The following TAF8 variants were observed in gnomAD, a reference collection of about 807,000 sequenced individuals.
TAF8 encodes the protein TATA-box binding protein associated factor 8.
In TAF8, 47 loss-of-function variants were observed where a neutral mutation model predicts 36.5. The ratio of observed to expected loss-of-function variants is 1.29; its 90% CI spans 1.02 to 1.64. The LOEUF is 1.64. Among genes scored for constraint, TAF8 ranks in the 40% most tolerant of loss-of-function variants. The probability of loss-of-function intolerance (pLI) is 0.00; values close to 1 mark genes in which losing one functional copy is unlikely to be tolerated. For missense variants in TAF8, 420 were observed against 407.6 expected (o/e 1.03, Z -0.26); for synonymous variants, 175 against 159.5 (o/e 1.10, Z -0.73).
rs1765886440 is a variant in TAF8, at chr6:42,080,389, T to C, written c.*2844T>C. 2 of 962,204 alleles carry C rather than the reference T, an allele frequency of 2.1e-6. No homozygotes were observed. The highest frequency in any genetic ancestry group is 4.6e-5 in the South Asian group (1 of 21,812). 59.6% of individuals were successfully genotyped at this position (962,204 alleles called of 1,614,324 possible). A position where few individuals can be genotyped will look rare whatever the true frequency, so the allele number is the denominator to read the frequency against. ...TTTTCTTTTCTTTTTTTTTTTTTTT[T>C]GAGACGGCATCTCACTCTTATCGCC... On this transcript the variant is annotated 3_prime_UTR_variant, in exon 9 of 9. Transcript: ENST00000372977.
chr6:42,064,463 C>T, intron 5 of TAF8, among the ~76,000 whole-genome samples: 1 of 152,064 alleles, frequency 6.6e-6, no homozygotes. Flanking sequence ...CCATGTTGAC[C>T]AGGCTAGTCT....
intron 5 of TAF8, chr6:42,063,463 T>G (rs1248638112): frequency 6.6e-6 from 1 of 152,200 alleles, no homozygotes; most frequent in Non-Finnish European, 1.5e-5. Context: ...AATATTATAA[T>G]GTAACATTGT....
chr6:42,068,735 A>G, intron 7 of TAF8, 128 bp downstream of exon 7: 1 of 1,115,332 alleles, frequency 9.0e-7, no homozygotes, highest in East Asian at 2.4e-5. Flanking sequence ...GGGCCTGCAT[A>G]AGGGCTTGCG....
At chr6:42,056,229 C>A (rs1054238944) in intron 4 of TAF8, 5 of 485,974 alleles carry the variant, frequency 1.0e-5, no homozygotes, top group Non-Finnish European at 1.5e-5. Flanking sequence ...TGAGATATTG[C>A]TGTGTTTCTT....
At position 42,056,014 on chromosome 6, in the gene TAF8, C is replaced by T. The variant is rs779832016; in HGVS notation, c.364C>T (p.Pro122Ser). 1.7e-5 allele frequency: 27 copies of T among 1,603,950 alleles called. No homozygotes were observed. The highest frequency in any genetic ancestry group is 1.6e-4 in the Middle Eastern group (1 of 6,070). ...GTCTCAGAGGATGGTCATCACTGCT[C>T]GTAAGTGACTTTGAACTGAGGTACT... is the stretch of plus-strand genomic sequence containing the variant. ...KRSQRMVITA[P>S]PVTNQPVTPK... is the part of the protein sequence containing the mutation. Residue 122 changes from proline to serine, a missense_variant and splice_region_variant, in exon 4 of 9, where the codon CCT (proline) becomes TCT (serine). Coordinates refer to ENST00000372977, the MANE Select transcript of TAF8 (RefSeq NM_138572.3).
rs1765448430 is a variant in TAF8 at position 42,068,601 on chromosome 6, CA to C, written c.775del (p.Ser259AlafsTer40). ...TDTENLALHI[S>X]MEDSGAEKEN... ...ACACAGAGAACCTTGCTCTTCATAT[CA>C]GCATGGTGGGTTCCACCTTCTGCCT... On this transcript the variant is annotated frameshift_variant, in exon 7 of 9. Transcript: ENST00000372977. LOFTEE classifies it high-confidence loss of function. The C allele has an allele frequency of 6.2e-7, 1 of 1,612,890 alleles. No homozygotes were observed. The highest frequency in any genetic ancestry group is 1.3e-5 in the African/African-American group (1 of 74,930).
rs191317189 is a variant in TAF8 at position 42,072,648 on chromosome 6, C to T, written c.780+4041C>T. 1.6e-4 allele frequency among the ~76,000 whole-genome samples: 25 copies of T among 152,266 alleles called. No homozygotes were observed. In the East Asian group the frequency reaches 4.6e-3, roughly 28 times the overall value. ...TGTAACCATTTAATTTATCTAGTCC[C>T]CCATGAACACTTAGGTTGTTTTCTG... is the stretch of plus-strand genomic sequence containing the variant. On this transcript the variant is annotated intron_variant, in intron 7 of 8. Coordinates refer to ENST00000372977, the MANE Select transcript of TAF8 (RefSeq NM_138572.3).
intron 8 of TAF8, 50 bp from the exon 9 acceptor site, chr6:42,077,483 G>C (rs1236056486): frequency 6.2e-7 from 1 of 1,607,352 alleles, no homozygotes; most frequent in South Asian, 1.1e-5. Context: ...CCTAGAAGGA[G>C]AGCAGACAGG....
At chr6:42,075,936 G>A (rs546978867) in intron 7 of TAF8, among the ~76,000 whole-genome samples, 9 of 152,202 alleles carry the variant, frequency 5.9e-5, no homozygotes, top group South Asian at 2.1e-4. Flanking sequence ...GCGGCCGGGC[G>A]CGGTGGCTCA....
chr6:42,069,856 G>A (rs545537378), intron 7 of TAF8, among the ~76,000 whole-genome samples: 32 of 152,210 alleles, frequency 2.1e-4, no homozygotes, highest in African/African-American at 7.5e-4. Flanking sequence ...AGAGCTTGAA[G>A]AGATGAGGAA....
rs1765807169 is a variant in TAF8, at chr6:42,077,864, C to A, written c.*319C>A. 2.8e-6 allele frequency: 2 copies of A among 713,686 alleles called. No homozygotes were observed. The highest frequency in any genetic ancestry group is 1.9e-6 in the Non-Finnish European group (1 of 529,206). 44.2% of individuals were successfully genotyped at this position (713,686 alleles called of 1,614,324 possible). On this transcript the variant is annotated 3_prime_UTR_variant, in exon 9 of 9. Coordinates refer to ENST00000372977, the MANE Select transcript of TAF8 (RefSeq NM_138572.3). ...TCAGCAACCCTGGGTCCAAGTGATT[C>A]TCCTGCCTTGGCCTCCCGAGTAGCT...
At chr6:42,077,500 A>C in intron 8 of TAF8, 33 bp from the exon 9 acceptor site, 1 of 1,611,034 alleles carries the variant, frequency 6.2e-7, no homozygotes, top group Non-Finnish European at 8.5e-7. Context: ...CAGGGCCCAC[A>C]CCAGGAGGCT....
intron 2 of TAF8, chr6:42,051,858 C>A: frequency 6.1e-6 from 1 of 164,316 alleles, no homozygotes. Flanking sequence ...CCCAGCCACT[C>A]GGGAGACTGA....
chr6:42,051,036 T>G, intron 1 of TAF8: 1 of 1,083,736 alleles, frequency 9.2e-7, no homozygotes, highest in African/African-American at 1.7e-5. Flanking sequence ...CTGTTTTTTC[T>G]GCGGGACACG....
chr6:42,077,296 C>T (rs1391407115), intron 8 of TAF8, 57 bp downstream of exon 8: 1 of 1,572,324 alleles, frequency 6.4e-7, no homozygotes, highest in Non-Finnish European at 8.7e-7. Flanking sequence ...GTGGTCTTCT[C>T]TGCTTCTTGG....
At chr6:42,062,609 A>G (rs1765227378) in intron 5 of TAF8, among the ~76,000 whole-genome samples, 1 of 130,592 alleles carries the variant, frequency 7.7e-6, no homozygotes, top group Non-Finnish European at 1.5e-5. Flanking sequence ...ATCTCAGCTC[A>G]CTGCAACCTC....
At chr6:42,084,254 C>T (rs1358180556), downstream of TAF8, among the ~76,000 whole-genome samples, 3 of 151,500 alleles carry the variant, frequency 2.0e-5, no homozygotes, top group Non-Finnish European at 4.4e-5. Flanking sequence ...ATTTTGATCC[C>T]ATAGGGGTCA....
At chr6:42,054,256 G>T (rs1168407004) in intron 2 of TAF8, among the ~76,000 whole-genome samples, 1 of 152,092 alleles carries the variant, frequency 6.6e-6, no homozygotes, top group Non-Finnish European at 1.5e-5. Context: ...TTAAATAGAG[G>T]TTCAGCTTCA....
At chr6:42,086,752 C>T (rs1046959642), downstream of TAF8, 3 of 1,551,016 alleles carry the variant, frequency 1.9e-6, no homozygotes, top group African/African-American at 1.4e-5. Context: ...TGAGACTTTG[C>T]CCTAAGCTGC....
Sources: gnomAD v4.1 joint callset for allele counts (sites outside exome capture counted in the v4.1 genomes callset) on GRCh38, gnomAD v4.1.1 for gene constraint, MANE v1.5 for transcripts, NCBI Gene and HGNC (gene_info 2026-07-23, HGNC 2026-07-21) for gene names.